The following NKAIN2 variants were observed in gnomAD, a reference collection of about 807,000 sequenced individuals.
NKAIN2 encodes the protein sodium/potassium transporting ATPase interacting 2.
Under a neutral mutation model 32.6 loss-of-function variants are expected in NKAIN2, and 14 were observed. The observed-to-expected ratio is 0.43, with a 90% CI of 0.28 to 0.67. The LOEUF (loss-of-function observed/expected upper bound fraction) is 0.67, where lower values mean the gene tolerates loss of function less well. Among genes scored for constraint, NKAIN2 ranks in the 30% least tolerant of loss-of-function variants. NKAIN2 has a pLI of 0.17. For synonymous variants in NKAIN2, 80 were observed against 87.2 expected (o/e 0.92, Z 0.46); for missense variants, 198 against 258.3 (o/e 0.77, Z 1.60).
intron 3 of NKAIN2, among the ~76,000 whole-genome samples, chr6:124,513,936 G>A (rs1273873821): frequency 6.6e-6 from 1 of 152,104 alleles, no homozygotes; most frequent in Non-Finnish European, 1.5e-5. Flanking sequence ...CTGCAATGTG[G>A]GACTTTGAGG....
chr6:124,159,200 C>A (rs566081076), intron 1 of NKAIN2, among the ~76,000 whole-genome samples: 24 of 152,164 alleles, frequency 1.6e-4, no homozygotes, highest in Non-Finnish European at 3.2e-4. Context: ...GATATGGGTT[C>A]AGTGTTCCAG....
intron 4 of NKAIN2, among the ~76,000 whole-genome samples, chr6:124,733,974 C>G (rs1776810600): frequency 6.6e-6 from 1 of 150,906 alleles, no homozygotes; most frequent in Non-Finnish European, 1.5e-5. Flanking sequence ...TAAGGGTCAT[C>G]TTGGAAAAAT....
At position 124,590,905 on chromosome 6, in the gene NKAIN2, C is replaced by T. The variant is rs75616780; in HGVS notation, c.274-67281C>T. Among the ~76,000 whole-genome samples the T allele has an allele frequency of 1.4e-4, 21 of 152,234 alleles. No individual in the cohort carries two copies. In the East Asian group the frequency reaches 2.5e-3, roughly 18 times the overall value. ...AGGCCCAGATTTCAAAGTGGATCAA[C>T]GGGAAATAAGTAGAGAATACAATCA... On this transcript the variant is annotated intron_variant, in intron 3 of 6. Transcript: ENST00000368417.
chr6:124,715,218 C>T (rs1196411323), intron 4 of NKAIN2, among the ~76,000 whole-genome samples: 1 of 152,194 alleles, frequency 6.6e-6, no homozygotes, highest in East Asian at 1.9e-4. Context: ...TGAAAATCAG[C>T]TATGGAATCT....
At chr6:124,820,173 A>G (rs1234184721) in intron 6 of NKAIN2, among the ~76,000 whole-genome samples, 1 of 152,142 alleles carries the variant, frequency 6.6e-6, no homozygotes, top group East Asian at 1.9e-4. Context: ...ACAAAACATG[A>G]TCAATCCTTC....
rs558744495 is a variant in NKAIN2, at chr6:124,198,184, G to C, written c.55-84821G>C. 2.5e-4 allele frequency among the ~76,000 whole-genome samples: 38 copies of C among 152,130 alleles called. No homozygotes were observed. The East Asian group carries it at 7.0e-3, about 28-fold the overall frequency. ...ACCACGTGAAGGCTAGGATAATGGA[G>C]AGTTTTCTTAGTATGAATCCGCTGG... On this transcript the variant is annotated intron_variant, in intron 1 of 6. Coordinates refer to ENST00000368417, the MANE Select transcript of NKAIN2 (RefSeq NM_001040214.3).
chr6:124,164,648 A>G (rs979242397), intron 1 of NKAIN2, among the ~76,000 whole-genome samples: 2 of 152,016 alleles, frequency 1.3e-5, no homozygotes, highest in Non-Finnish European at 2.9e-5. Context: ...CTTTCAATTT[A>G]TGTGCATTAT....
chr6:124,052,163 G>A (rs1251706011), intron 1 of NKAIN2, among the ~76,000 whole-genome samples: 5 of 152,030 alleles, frequency 3.3e-5, no homozygotes, highest in Non-Finnish European at 5.9e-5. Context: ...CTGTGAAGTA[G>A]GTGTTACTCT....
intron 3 of NKAIN2, among the ~76,000 whole-genome samples, chr6:124,426,164 A>G (rs1435763176): frequency 6.6e-6 from 1 of 152,210 alleles, no homozygotes; most frequent in Non-Finnish European, 1.5e-5. Context: ...CATTCTTATA[A>G]TATGACTTTA....
At chr6:123,966,192 T>G (rs1778071329) in intron 1 of NKAIN2, among the ~76,000 whole-genome samples, 2 of 152,316 alleles carry the variant, frequency 1.3e-5, no homozygotes, top group South Asian at 4.1e-4. Flanking sequence ...GTCAGCTGGA[T>G]CCAGGGAATA....
At chr6:123,991,686 C>T (rs541434737) in intron 1 of NKAIN2, among the ~76,000 whole-genome samples, 1 of 152,050 alleles carries the variant, frequency 6.6e-6, no homozygotes, top group African/African-American at 2.4e-5. Context: ...CACGGTGAAA[C>T]CACATCTCAA....
chr6:124,228,775 A>G (rs1792261539), intron 1 of NKAIN2, among the ~76,000 whole-genome samples: 1 of 152,160 alleles, frequency 6.6e-6, no homozygotes, highest in South Asian at 2.1e-4. Context: ...AATGAAGTCA[A>G]TTTTTAATGT....
At chr6:124,464,387 T>A (rs988020562) in intron 3 of NKAIN2, among the ~76,000 whole-genome samples, 3 of 151,810 alleles carry the variant, frequency 2.0e-5, no homozygotes, top group African/African-American at 7.2e-5. Context: ...ATTATTGCCA[T>A]TTTTTTTACT....
At chr6:124,009,340 T>C (rs146663202) in intron 1 of NKAIN2, among the ~76,000 whole-genome samples, 4 of 152,338 alleles carry the variant, frequency 2.6e-5, no homozygotes, top group African/African-American at 7.2e-5. Context: ...TGAGAACTTA[T>C]GTTTTATGAG....
intron 5 of NKAIN2, among the ~76,000 whole-genome samples, chr6:124,800,745 GGAATT>G (rs1780219079): frequency 6.6e-6 from 1 of 152,066 alleles, no homozygotes; most frequent in African/African-American, 2.4e-5. Flanking sequence ...GGCCAAAGTG[GGAATT>G]TCAATTCATT....
intron 1 of NKAIN2, among the ~76,000 whole-genome samples, chr6:124,040,155 T>A (rs1360466932): frequency 6.6e-6 from 1 of 152,012 alleles, no homozygotes; most frequent in African/African-American, 2.4e-5. Flanking sequence ...AGCCTTAAAT[T>A]TTCAAAATGA....
chr6:124,725,305 C>A (rs902437580), intron 4 of NKAIN2, among the ~76,000 whole-genome samples: 1 of 152,004 alleles, frequency 6.6e-6, no homozygotes, highest in Non-Finnish European at 1.5e-5. Flanking sequence ...GTGTCATGAT[C>A]ATAGCTCATT....
At chr6:123,943,061 G>A (rs188405727) in intron 1 of NKAIN2, among the ~76,000 whole-genome samples, 1 of 152,088 alleles carries the variant, frequency 6.6e-6, no homozygotes, top group African/African-American at 2.4e-5. Context: ...AGTGTGGTTT[G>A]TTTTAATTCA....
rs151208678 is a variant in NKAIN2, at chr6:123,862,490, A to T, written c.54+58236A>T. Among the ~76,000 whole-genome samples, 943 of 152,242 alleles carry T rather than the reference A, an allele frequency of 6.2e-3. 2 individuals are homozygous for T. The highest frequency in any genetic ancestry group is 0.02 in the Middle Eastern group (6 of 294). The stretch of plus-strand genomic sequence containing the variant: ...AAAGGTTAAACGCAGTAACACCCTT[A>T]CCTGGTTCATATTCTTTCTTATACC... On this transcript the variant is annotated intron_variant, in intron 1 of 6. Coordinates refer to ENST00000368417, the MANE Select transcript of NKAIN2 (RefSeq NM_001040214.3).
Sources: allele counts gnomAD v4.1 joint callset (sites outside exome capture counted in the v4.1 genomes callset), GRCh38; gene constraint gnomAD v4.1.1; transcripts MANE v1.5; gene names NCBI Gene and HGNC (gene_info 2026-07-23, HGNC 2026-07-21).